ATG7: variants seen among roughly 807,000 people sequenced by gnomAD.
ATG7 encodes the protein autophagy related 7.
A neutral mutation model predicts 82.4 loss-of-function variants in ATG7; 70 were observed. The ratio of observed to expected loss-of-function variants is 0.85; its 90% CI spans 0.70 to 1.04. The LOEUF (loss-of-function observed/expected upper bound fraction) is 1.04. ATG7 is among the 50% of genes least tolerant of loss of function. ATG7 has a pLI of 0.00. For synonymous variants in ATG7, 287 were observed against 313.0 expected (o/e 0.92, Z 0.88); for missense variants, 792 against 864.3 (o/e 0.92, Z 1.05).
intron 20 of ATG7, among the ~76,000 whole-genome samples, chr3:11,428,112 G>C (rs1178441156): frequency 2.3e-4 from 35 of 152,182 alleles, no homozygotes; most frequent in Admixed American, 2.3e-3. Context: ...CTTCCCACCA[G>C]CTAAAGAGAA....
At chr3:11,460,492 G>A (rs984935658) in intron 20 of ATG7, among the ~76,000 whole-genome samples, 4 of 152,212 alleles carry the variant, frequency 2.6e-5, no homozygotes, top group East Asian at 1.9e-4. Flanking sequence ...GCACCAGAGC[G>A]TTGCCTTTGC....
At chr3:11,279,057 T>A (rs1162626439) in intron 1 of ATG7, among the ~76,000 whole-genome samples, 1 of 152,184 alleles carries the variant, frequency 6.6e-6, no homozygotes, top group African/African-American at 2.4e-5. Flanking sequence ...TTCCTCCCTT[T>A]GCCTGGAGAG....
At chr3:11,529,894 C>T (rs2092660605) in intron 20 of ATG7, 1 of 152,352 alleles carries the variant, frequency 6.6e-6, no homozygotes, top group South Asian at 2.1e-4. Context: ...GCTCCTTTGC[C>T]CTTTTCTTAC....
chr3:11,481,776 T>C (rs1245598393), intron 20 of ATG7, among the ~76,000 whole-genome samples: 1 of 152,240 alleles, frequency 6.6e-6, no homozygotes, highest in East Asian at 1.9e-4. Context: ...CTCTGGTTCC[T>C]GCCTCTGCCT....
chr3:11,444,903 AACAC>A (rs1222219206), intron 20 of ATG7, among the ~76,000 whole-genome samples: 2 of 152,244 alleles, frequency 1.3e-5, no homozygotes, highest in East Asian at 3.8e-4. Flanking sequence ...AAAGGACATA[AACAC>A]ACACTTCTAA....
chr3:11,479,953 A>T (rs1159172724), intron 20 of ATG7, among the ~76,000 whole-genome samples: 1 of 144,460 alleles, frequency 6.9e-6, no homozygotes, highest in Non-Finnish European at 1.5e-5. Context: ...TTTGAGATGG[A>T]GTCTCCCTCT....
chr3:11,303,759 A>G (rs191822607), intron 5 of ATG7, among the ~76,000 whole-genome samples: 2 of 150,838 alleles, frequency 1.3e-5, no homozygotes, highest in Non-Finnish European at 3.0e-5. Context: ...CCCTTGAGGA[A>G]TATTTGTCTT....
At chr3:11,476,141 T>C (rs1481968388) in intron 20 of ATG7, among the ~76,000 whole-genome samples, 1 of 152,200 alleles carries the variant, frequency 6.6e-6, no homozygotes, top group Admixed American at 6.5e-5. Flanking sequence ...CCCTAAGGTG[T>C]AGAGAAAGCT....
intron 19 of ATG7, among the ~76,000 whole-genome samples, chr3:11,423,934 A>G (rs951132809): frequency 5.9e-5 from 9 of 152,144 alleles, no homozygotes; most frequent in African/African-American, 2.2e-4. Flanking sequence ...GAGGCGTCAG[A>G]TTGTTCCACA....
intron 20 of ATG7, among the ~76,000 whole-genome samples, chr3:11,530,926 A>G (rs2092682621): frequency 6.6e-6 from 1 of 152,218 alleles, no homozygotes; most frequent in African/African-American, 2.4e-5. Context: ...GGTTGCAGTG[A>G]GCCAAGGTCA....
intron 20 of ATG7, among the ~76,000 whole-genome samples, chr3:11,494,022 C>T (rs2090613247): frequency 6.6e-6 from 1 of 152,164 alleles, no homozygotes; most frequent in Admixed American, 6.5e-5. Context: ...ATATCCCATC[C>T]TCAAATGCAA....
chr3:11,500,743 G>A (rs2091261969), intron 20 of ATG7, among the ~76,000 whole-genome samples: 1 of 152,176 alleles, frequency 6.6e-6, no homozygotes. Flanking sequence ...CAATTCTCCT[G>A]CCTCAGCCTC....
intron 20 of ATG7, among the ~76,000 whole-genome samples, chr3:11,530,353 C>T (rs532642820): frequency 1.5e-3 from 232 of 152,288 alleles, no homozygotes; most frequent in African/African-American, 4.7e-3. Context: ...CTCCGAGAAG[C>T]ACTCTGCATC....
intron 19 of ATG7, among the ~76,000 whole-genome samples, chr3:11,393,702 T>C (rs976812820): frequency 6.6e-6 from 1 of 151,588 alleles, no homozygotes; most frequent in African/African-American, 2.4e-5. Flanking sequence ...TTTTCTTTTA[T>C]CTCAGTCTCA....
intron 5 of ATG7, chr3:11,304,414 A>G (rs1397995022): frequency 6.6e-6 from 1 of 152,150 alleles, no homozygotes; most frequent in African/African-American, 2.4e-5. Context: ...ACAAACAGAA[A>G]CTCTGCGATT....
chr3:11,560,144 C>T (rs370143761), downstream of ATG7, among the ~76,000 whole-genome samples: 22 of 152,220 alleles, frequency 1.4e-4, no homozygotes, highest in South Asian at 4.4e-3. Context: ...TCACTGGCCA[C>T]CGCCCCACCA....
intron 5 of ATG7, among the ~76,000 whole-genome samples, chr3:11,303,042 C>G (rs1169084893): frequency 6.6e-6 from 1 of 152,246 alleles, no homozygotes; most frequent in African/African-American, 2.4e-5. Flanking sequence ...AGTCTTCTTC[C>G]ATGTTGTGGC....
intron 19 of ATG7, among the ~76,000 whole-genome samples, chr3:11,380,693 G>A (rs1029297652): frequency 3.3e-5 from 5 of 152,158 alleles, no homozygotes; most frequent in African/African-American, 1.2e-4. Flanking sequence ...TTCCTTTCAA[G>A]TGTTCCTTTC....
rs141086338 is a variant in ATG7, at chr3:11,413,360, T to G, written c.1957-13444T>G. ...TCCTTCTATTCCTAGTTTAAGTGTT[T>G]TTATCATGAAAGGGGTTGAATTTTG... On this transcript the variant is annotated intron_variant, in intron 19 of 20. Coordinates refer to ENST00000693202, the MANE Select transcript of ATG7 (RefSeq NM_001349232.2). 4.4e-3 allele frequency among the ~76,000 whole-genome samples: 667 copies of G among 152,278 alleles called. 5 individuals are homozygous for G. The highest frequency in any genetic ancestry group is 0.015 in the African/African-American group (632 of 41,550).
Sources: allele counts gnomAD v4.1 joint callset (sites outside exome capture counted in the v4.1 genomes callset), GRCh38; gene constraint gnomAD v4.1.1; transcripts MANE v1.5; gene names NCBI Gene and HGNC (gene_info 2026-07-23, HGNC 2026-07-21).